AP3B2: variants seen among roughly 807,000 people sequenced by gnomAD.
AP3B2 encodes AP-3 complex subunit beta-2.
Under a neutral mutation model 126.9 loss-of-function variants are expected in AP3B2, and 50 were observed. The observed-to-expected ratio is 0.39, with a 90% CI of 0.31 to 0.50. The LOEUF is 0.50. AP3B2 is among the 20% of genes least tolerant of loss of function. The pLI, the probability that AP3B2 is intolerant of heterozygous loss-of-function variation, is 0.79. For synonymous variants in AP3B2, 541 were observed against 565.0 expected (o/e 0.96, Z 0.60); for missense variants, 1,177 against 1,426.4 (o/e 0.83, Z 2.82).
intron 14 of AP3B2, among the ~76,000 whole-genome samples, chr15:82,671,160 G>C (rs1163941365): frequency 1.3e-5 from 2 of 152,190 alleles, no homozygotes; most frequent in African/African-American, 4.8e-5. Flanking sequence ...ACGCACGCCT[G>C]TAGTCCCAGC....
At chr15:82,677,553 GACCAATGGAT>G in intron 12 of AP3B2, 108 bp downstream of exon 12, 1 of 1,420,476 alleles carries the variant, frequency 7.0e-7, no homozygotes, top group Non-Finnish European at 9.5e-7. Context: ...AAGACAGACA[GACCAATGGAT>G]ACACATTGTG....
intron 22 of AP3B2, 91 bp from the exon 23 acceptor site, chr15:82,663,013 C>T: frequency 1.3e-6 from 2 of 1,509,568 alleles, no homozygotes; most frequent in South Asian, 1.2e-5. Flanking sequence ...GCAGCTGGGA[C>T]TCAAAGCTAT....
Position 82,665,584 on chromosome 15 carries a change from A to G in AP3B2, c.1853-9T>C, listed in dbSNP as rs369272064. On this transcript the variant is annotated splice_polypyrimidine_tract_variant and intron_variant, in intron 15 of 26. Transcript: ENST00000535359. This position sits in a 1 kb window ranked among gnomAD's most constrained non-coding sequence, Gnocchi z 4.4. The stretch of plus-strand genomic sequence containing the variant: ...CTGGAAGTGGTCCCGGTCTAGGGAT[A>G]GGTTTAGAGGTCAGGCAGGTAGCAG... 6.9e-6 allele frequency: 11 copies of G among 1,599,754 alleles called. No individual in the cohort carries two copies. The highest frequency in any genetic ancestry group is 2.7e-5 in the African/African-American group (2 of 74,736).
chr15:82,670,112 T>TTTGGGGGG (rs1555465704), intron 14 of AP3B2, among the ~76,000 whole-genome samples: 1 of 68,926 alleles, frequency 1.5e-5, no homozygotes, highest in Admixed American at 1.4e-4. Context: ...TTTTTTTTTT[T>TTTGGGGGG]GGCGGGGGGG....
chr15:82,687,619 A>G (rs1172877737), intron 4 of AP3B2: 1 of 152,236 alleles, frequency 6.6e-6, no homozygotes, highest in Non-Finnish European at 1.5e-5. Flanking sequence ...AATGAATTGT[A>G]TATTCAAGTG....
intron 1 of AP3B2, chr15:82,691,995 G>C (rs1596191973): frequency 6.9e-7 from 1 of 1,452,968 alleles, no homozygotes; most frequent in Non-Finnish European, 9.6e-7. Flanking sequence ...CCAACTTCTC[G>C]CATGTGATCC....
intron 1 of AP3B2, chr15:82,699,899 T>A (rs537341217): frequency 7.5e-6 from 3 of 399,366 alleles, no homozygotes; most frequent in Admixed American, 8.8e-5. Context: ...AGGAATGGAC[T>A]GAGCTGGCCA....
At chr15:82,677,992 G>A (rs926008420) in intron 11 of AP3B2, 113 bp downstream of exon 11, 2 of 1,405,150 alleles carry the variant, frequency 1.4e-6, no homozygotes, top group East Asian at 2.5e-5. Context: ...GAACGGGAAT[G>A]TAAGATAATA....
chr15:82,664,021 C>T lies in AP3B2; in HGVS notation c.2262-46G>A, dbSNP rs780355093. 8 of 1,564,832 alleles carry T rather than the reference C, an allele frequency of 5.1e-6. No homozygotes were observed. The highest frequency in any genetic ancestry group is 6.9e-6 in the Non-Finnish European group (8 of 1,160,112). On this transcript the variant is annotated intron_variant, in intron 19 of 26. Transcript: ENST00000535359. The surrounding 1 kb of genome is among the most constrained non-coding windows in gnomAD (Gnocchi z 4.5). Reference sequence around the variant, plus strand: ...GGCTCAGGCCTGGCCTGGACACTCCCTCCTTGCTTCACAGAAGCAGGAGAA... The same window carrying T: ...GGCTCAGGCCTGGCCTGGACACTCCTTCCTTGCTTCACAGAAGCAGGAGAA...
intron 1 of AP3B2, chr15:82,692,451 G>A (rs1013594539): frequency 1.2e-5 from 4 of 333,764 alleles, no homozygotes; most frequent in Non-Finnish European, 2.2e-5. Flanking sequence ...GGAACGAGAA[G>A]CAATTGTGGT....
rs767641746 is a variant in AP3B2, at chr15:82,664,597, C to G, written c.2138-107G>C. On this transcript the variant is annotated intron_variant, in intron 18 of 26. Coordinates refer to ENST00000535359, the MANE Select transcript of AP3B2 (RefSeq NM_001278512.2). The surrounding 1 kb of genome is among the most constrained non-coding windows in gnomAD (Gnocchi z 4.5). Reference sequence around the variant, plus strand: ...CATTCAGTACTGAACCCTCAAACCTCTCTGACCTGCCCCCAGCCCTACATG... The same window carrying G: ...CATTCAGTACTGAACCCTCAAACCTGTCTGACCTGCCCCCAGCCCTACATG... 2.0e-5 allele frequency: 29 copies of G among 1,421,550 alleles called. No individual in the cohort carries two copies. The African/African-American group carries it at 3.7e-4, about 18-fold the overall frequency. 88.1% of individuals were successfully genotyped at this position (1,421,550 alleles called of 1,614,324 possible). A position where few individuals can be genotyped will look rare whatever the true frequency, so the allele number is the denominator to read the frequency against.
chr15:82,701,001 T>C (rs1469361927), intron 1 of AP3B2, among the ~76,000 whole-genome samples: 1 of 152,036 alleles, frequency 6.6e-6, no homozygotes, highest in African/African-American at 2.4e-5. Flanking sequence ...GCTGGGATTA[T>C]AGACATGCGT....
At chr15:82,707,888 C>T (rs2048821521) in intron 1 of AP3B2, among the ~76,000 whole-genome samples, 1 of 152,192 alleles carries the variant, frequency 6.6e-6, no homozygotes, top group South Asian at 2.1e-4. Context: ...CCACGCCACC[C>T]CAATCCCGCT....
chr15:82,665,314 G>C lies in AP3B2; in HGVS notation c.1972-11C>G. The stretch of plus-strand genomic sequence containing the variant: ...GGAGAGATCTTCTTCCTGTGTGTGT[G>C]GGGGAGGGTGTTAGGAGGGCTGGGC... On this transcript the variant is annotated splice_polypyrimidine_tract_variant and intron_variant, in intron 16 of 26. Transcript: ENST00000535359. This position sits in a 1 kb window ranked among gnomAD's most constrained non-coding sequence, Gnocchi z 4.4. 2 of 1,575,240 alleles carry C rather than the reference G, an allele frequency of 1.3e-6. No homozygotes were observed. Among genetic ancestry groups the C allele is most frequent in the Non-Finnish European group, 8.6e-7 (1 of 1,168,082 alleles).
intron 1 of AP3B2, chr15:82,690,001 C>G (rs1420456790): frequency 6.4e-6 from 1 of 155,184 alleles, no homozygotes; most frequent in Non-Finnish European, 1.4e-5. Context: ...CTTAAAGAGA[C>G]AGACACAGGG....
At chr15:82,691,455 C>T (rs1036516749) in intron 1 of AP3B2, among the ~76,000 whole-genome samples, 1 of 152,062 alleles carries the variant, frequency 6.6e-6, no homozygotes, top group African/African-American at 2.4e-5. Flanking sequence ...AGCAGAGCAA[C>T]CCACAAAGAC....
intron 1 of AP3B2, chr15:82,699,355 G>A (rs574647095): frequency 7.2e-6 from 2 of 278,482 alleles, no homozygotes; most frequent in South Asian, 1.7e-4. Context: ...GGCCTGTGGG[G>A]AGAAAGAGGT....
intron 1 of AP3B2, among the ~76,000 whole-genome samples, chr15:82,701,591 C>T (rs984113456): frequency 2.0e-5 from 3 of 152,198 alleles, no homozygotes; most frequent in African/African-American, 4.8e-5. Context: ...CTTTAGATGT[C>T]GACTTAGAAT....
chr15:82,703,721 G>C (rs1173079861), intron 1 of AP3B2, among the ~76,000 whole-genome samples: 1 of 151,930 alleles, frequency 6.6e-6, no homozygotes, highest in South Asian at 2.1e-4. Flanking sequence ...TTTACACATC[G>C]GTCCCTCCCT....
Sources: allele counts gnomAD v4.1 joint callset (sites outside exome capture counted in the v4.1 genomes callset), GRCh38; gene constraint gnomAD v4.1.1; non-coding constraint Gnocchi (gnomAD v3.1); transcripts MANE v1.5; gene names NCBI Gene and HGNC (gene_info 2026-07-23, HGNC 2026-07-21).